The following ZDHHC18 variants were observed in gnomAD, a reference collection of about 807,000 sequenced individuals.
The protein encoded by ZDHHC18 is palmitoyltransferase ZDHHC18.
A neutral mutation model predicts 37.5 loss-of-function variants in ZDHHC18; 23 were observed. The observed-to-expected ratio is 0.61, with a 90% CI of 0.44 to 0.87. The LOEUF is 0.87. ZDHHC18 is among the 40% of genes least tolerant of loss of function. The pLI is 0.00. For missense variants in ZDHHC18, 406 were observed against 525.6 expected, an observed-to-expected ratio of 0.77 and a Z score of 2.22; for synonymous variants, 185 against 218.7, an observed-to-expected ratio of 0.85 and a Z score of 1.36.
In ZDHHC18 at chr1:26,848,773, C is replaced by T. The variant is rs2081686597; in HGVS notation, c.646+16C>T. 3.7e-6 allele frequency: 6 copies of T among 1,602,330 alleles called. No homozygotes were observed. The highest frequency in any genetic ancestry group is 4.3e-6 in the Non-Finnish European group (5 of 1,170,204). On this transcript the variant is annotated intron_variant, in intron 3 of 7. Coordinates refer to ENST00000374142, the MANE Select transcript of ZDHHC18 (RefSeq NM_032283.3). The stretch of plus-strand genomic sequence containing the variant: ...AACTGTGTGGGTGAGTAGGAGGCAG[C>T]AGGGAGGGATGCAGGGATTCCTGAG...
At chr1:26,836,975 G>A (rs561892219) in intron 2 of ZDHHC18, among the ~76,000 whole-genome samples, 87 of 146,776 alleles carry the variant, frequency 5.9e-4, no homozygotes, top group African/African-American at 1.9e-3. Context: ...GCAGCTGGGC[G>A]CAGTGGCTCA....
intron 2 of ZDHHC18, among the ~76,000 whole-genome samples, chr1:26,840,182 T>G (rs1259055129): frequency 6.6e-6 from 1 of 152,192 alleles, no homozygotes; most frequent in Non-Finnish European, 1.5e-5. Flanking sequence ...ACCTGTGGGA[T>G]TCCACTGAGG....
chr1:26,851,023 C>T (rs901190220), intron 5 of ZDHHC18, 106 bp from the exon 6 acceptor site: 3 of 1,136,388 alleles, frequency 2.6e-6, no homozygotes, highest in Non-Finnish European at 3.9e-6. Context: ...TCCAAAACTT[C>T]TCAGCTCTCT....
intron 6 of ZDHHC18, among the ~76,000 whole-genome samples, chr1:26,852,351 C>A (rs1191049270): frequency 6.6e-6 from 1 of 152,176 alleles, no homozygotes; most frequent in Non-Finnish European, 1.5e-5. Flanking sequence ...TATTATTTTC[C>A]CTGTTTTCCA....
At chr1:26,841,010 C>G (rs2081636256) in intron 2 of ZDHHC18, among the ~76,000 whole-genome samples, 1 of 150,622 alleles carries the variant, frequency 6.6e-6, no homozygotes, top group African/African-American at 2.4e-5. Context: ...GAGTTTTGCT[C>G]TTGGCACCCA....
At chr1:26,838,362 CA>C (rs1445281342) in intron 2 of ZDHHC18, among the ~76,000 whole-genome samples, 1 of 152,092 alleles carries the variant, frequency 6.6e-6, no homozygotes, top group East Asian at 1.9e-4. Context: ...GCTGATCTCT[CA>C]AACTCCTGGA....
In ZDHHC18 at chr1:26,855,127, G is replaced by T. The variant is rs1309831305; in HGVS notation, c.*1284G>T. ...AGCCCCCAGGTGAGGCTTCCAGCTG[G>T]GACCTGCCCAGACAGGCTGAGCCTG... On this transcript the variant is annotated 3_prime_UTR_variant, in exon 8 of 8. Transcript: ENST00000374142. 3.3e-5 allele frequency: 5 copies of T among 152,320 alleles called. No homozygotes were observed. Among genetic ancestry groups the T allele is most frequent in the African/African-American group, 4.8e-5 (2 of 41,460 alleles). The allele number at this position is 152,320 out of a possible 1,614,324, so 9.4% of individuals were successfully genotyped here. A position where few individuals can be genotyped will look rare whatever the true frequency, so the allele number is the denominator to read the frequency against.
At chr1:26,846,868 T>A (rs1570673546) in intron 2 of ZDHHC18, among the ~76,000 whole-genome samples, 1 of 151,992 alleles carries the variant, frequency 6.6e-6, no homozygotes, top group East Asian at 1.9e-4. Flanking sequence ...CACAATTCCA[T>A]TATCATACCT....
intron 2 of ZDHHC18, among the ~76,000 whole-genome samples, chr1:26,845,061 C>T (rs115866089): frequency 0.023 from 3,428 of 151,876 alleles, 133 homozygotes; most frequent in African/African-American, 0.078. Flanking sequence ...GCTGGGATTA[C>T]TTACAGGCAT....
At chr1:26,836,077 G>A (rs1051322547) in intron 2 of ZDHHC18, among the ~76,000 whole-genome samples, 3 of 152,228 alleles carry the variant, frequency 2.0e-5, no homozygotes, top group African/African-American at 7.2e-5. Context: ...CTGGTGGGCT[G>A]TGCAGCTGGC....
rs998573168 is a variant in ZDHHC18, at chr1:26,851,289, G to A, written c.936+58G>A. ...GGCAGCGCCCTCAGGAGGAGGCAGGGCTGAGGGAGCCTGGGGCAGCCAAGC... is the reference window on the plus strand; with the variant it reads ...GGCAGCGCCCTCAGGAGGAGGCAGGACTGAGGGAGCCTGGGGCAGCCAAGC... On this transcript the variant is annotated intron_variant, in intron 6 of 7. Coordinates refer to ENST00000374142, the MANE Select transcript of ZDHHC18 (RefSeq NM_032283.3). 24 of 1,545,620 alleles carry A rather than the reference G, an allele frequency of 1.6e-5. No homozygotes were observed. In the African/African-American group the frequency reaches 3.3e-4, roughly 21 times the overall value.
chr1:26,842,133 C>CAA (rs958757844), intron 2 of ZDHHC18, among the ~76,000 whole-genome samples: 8 of 100,014 alleles, frequency 8.0e-5, no homozygotes, highest in East Asian at 3.3e-4. Context: ...GACTCCATCT[C>CAA]AAAAAAAAAA....
In ZDHHC18 at chr1:26,856,612, G is replaced by A. The variant is rs952980481; in HGVS notation, c.*2769G>A. On this transcript the variant is annotated 3_prime_UTR_variant, in exon 8 of 8. Coordinates refer to ENST00000374142, the MANE Select transcript of ZDHHC18 (RefSeq NM_032283.3). This position sits in a 1 kb window ranked among gnomAD's most constrained non-coding sequence, Gnocchi z 5.2. ...GGGGTCCTGGTATGCAGGGGCCACC[G>A]GTCACTAACACTCTTATGTCCTGGC... 2 of 160,132 alleles carry A rather than the reference G, an allele frequency of 1.2e-5. No individual in the cohort carries two copies. Among genetic ancestry groups the A allele is most frequent in the South Asian group, 3.1e-4 (2 of 6,448 alleles). 9.9% of individuals were successfully genotyped at this position (160,132 alleles called of 1,614,324 possible).
In ZDHHC18 at chr1:26,826,779, C is replaced by T; in HGVS notation, c.-26C>T. The T allele has an allele frequency of 1.0e-6, 1 of 971,438 alleles. No individual in the cohort carries two copies. Among genetic ancestry groups the T allele is most frequent in the Non-Finnish European group, 1.2e-6 (1 of 819,418 alleles). The allele number at this position is 971,438 out of a possible 1,614,324, so 60.2% of individuals were successfully genotyped here. On this transcript the variant is annotated 5_prime_UTR_variant, in exon 1 of 8. Coordinates refer to ENST00000374142, the MANE Select transcript of ZDHHC18 (RefSeq NM_032283.3). The surrounding 1 kb of genome is among the most constrained non-coding windows in gnomAD (Gnocchi z 5.2). Reference sequence around the variant, plus strand: ...AGTGGCCCGGCCGGCCCGCGGGGCGCGGAGCCGAGGCCCGCGGCTGGCTGC... The same window carrying T: ...AGTGGCCCGGCCGGCCCGCGGGGCGTGGAGCCGAGGCCCGCGGCTGGCTGC...
At chr1:26,834,316 C>G (rs757674802) in intron 2 of ZDHHC18, among the ~76,000 whole-genome samples, 1 of 152,284 alleles carries the variant, frequency 6.6e-6, no homozygotes, top group Admixed American at 6.5e-5. Context: ...TCACAACAGC[C>G]CAGTGAGGGC....
chr1:26,834,590 A>G (rs1001758742), intron 2 of ZDHHC18, among the ~76,000 whole-genome samples: 3 of 152,162 alleles, frequency 2.0e-5, no homozygotes, highest in African/African-American at 4.8e-5. Flanking sequence ...CTGTGCTGCA[A>G]CGGTGGTCAT....
At chr1:26,829,533 C>G (rs1356451598) in intron 1 of ZDHHC18, among the ~76,000 whole-genome samples, 1 of 152,092 alleles carries the variant, frequency 6.6e-6, no homozygotes, top group African/African-American at 2.4e-5. Flanking sequence ...CATAGCAAAC[C>G]ACTCCCCTCC....
Position 26,853,840 on chromosome 1 carries a change from C to G in ZDHHC18, c.1164C>G (p.Pro388=), listed in dbSNP as rs2081719761. The change falls in exon 8 of 8, where the codon CCC becomes CCG. Residue 388 remains proline (P), a synonymous_variant. Coordinates refer to ENST00000374142, the MANE Select transcript of ZDHHC18 (RefSeq NM_032283.3). ...KPDASMVGGH[P] ...ATGCCAGCATGGTAGGAGGCCACCC[C>G]TGACCACGGCTCAGTACTTGCCACC... The G allele has an allele frequency of 6.2e-7, 1 of 1,613,280 alleles. No homozygotes were observed. Among genetic ancestry groups the G allele is most frequent in the Non-Finnish European group, 8.5e-7 (1 of 1,179,968 alleles).
At position 26,856,285 on chromosome 1, in the gene ZDHHC18, G is replaced by C. The variant is rs562507449; in HGVS notation, c.*2442G>C. 6.9e-6 allele frequency: 3 copies of C among 434,224 alleles called. No individual in the cohort carries two copies. The highest frequency in any genetic ancestry group is 1.4e-5 in the Non-Finnish European group (3 of 208,866). 26.9% of individuals were successfully genotyped at this position (434,224 alleles called of 1,614,324 possible). On this transcript the variant is annotated 3_prime_UTR_variant, in exon 8 of 8. Transcript: ENST00000374142. The surrounding 1 kb of genome is among the most constrained non-coding windows in gnomAD (Gnocchi z 5.2). ...CTGGTAAGACCGTTTCTTCCCTGTC[G>C]GCCAGCACTGCCCGCTCCCCTCACA...
Sources: allele counts gnomAD v4.1 joint callset (sites outside exome capture counted in the v4.1 genomes callset), GRCh38; gene constraint gnomAD v4.1.1; non-coding constraint Gnocchi (gnomAD v3.1); transcripts MANE v1.5; gene names NCBI Gene and HGNC (gene_info 2026-07-23, HGNC 2026-07-21).